The following SMARCAD1 variants were observed in gnomAD, a reference collection of about 807,000 sequenced individuals.
SMARCAD1 encodes SWI/SNF-related matrix-associated actin-dependent regulator of chromatin subfamily A containing DEAD/H box 1.
A neutral mutation model predicts 127.1 loss-of-function variants in SMARCAD1; 25 were observed. That is an observed-to-expected ratio of 0.20 (90% CI 0.14 to 0.27). The LOEUF is 0.27. SMARCAD1 is among the 10% of genes least tolerant of loss of function. The pLI, the probability that SMARCAD1 is intolerant of heterozygous loss-of-function variation, is 1.00. For missense variants in SMARCAD1, 807 were observed against 1,206.0 expected (o/e 0.67, Z 4.90); for synonymous variants, 400 against 396.9 (o/e 1.01, Z -0.09).
intron 11 of SMARCAD1, among the ~76,000 whole-genome samples, chr4:94,273,116 A>G (rs562997893): frequency 6.6e-6 from 1 of 152,306 alleles, no homozygotes; most frequent in South Asian, 2.1e-4. Context: ...TATTTAGGTT[A>G]TTTCCAGTGT....
chr4:94,273,395 A>G (rs1479375557), intron 11 of SMARCAD1, among the ~76,000 whole-genome samples: 1 of 152,196 alleles, frequency 6.6e-6, no homozygotes, highest in African/African-American at 2.4e-5. Flanking sequence ...CTAGCAATGA[A>G]GATCTATCCA....
chr4:94,252,367 A>G (rs2125916814), intron 8 of SMARCAD1, among the ~76,000 whole-genome samples: 1 of 152,272 alleles, frequency 6.6e-6, no homozygotes, highest in Middle Eastern at 3.4e-3. Flanking sequence ...TGTTCTCAGG[A>G]CCTTTGTTAG....
At position 94,274,852 on chromosome 4, in the gene SMARCAD1, CAATA is replaced by C. The variant is rs747392754; in HGVS notation, c.1733-33_1733-30del. ...TGGAAATTAAAAATAAAGTACAGCA[CAATA>C]AATAGTCATGTGTTTATTGTTTTTA... On this transcript the variant is annotated intron_variant, in intron 13 of 23. Coordinates refer to ENST00000354268, the MANE Select transcript of SMARCAD1 (RefSeq NM_020159.5). 2.7e-5 allele frequency: 43 copies of C among 1,601,910 alleles called. No individual in the cohort carries two copies. In the African/African-American group the frequency reaches 4.3e-4, roughly 16 times the overall value.
chr4:94,263,850 T>C (rs115667532), intron 9 of SMARCAD1, among the ~76,000 whole-genome samples: 1,721 of 152,042 alleles, frequency 0.011, 35 homozygotes, highest in African/African-American at 0.039. Flanking sequence ...TTCAAATAGC[T>C]TTTGGACTTT....
At chr4:94,274,614 G>A in intron 12 of SMARCAD1, 124 bp from the exon 13 acceptor site, 1 of 940,736 alleles carries the variant, frequency 1.1e-6, no homozygotes, top group Non-Finnish European at 1.7e-6. Flanking sequence ...ACCTTGCTGG[G>A]CCAGTATTTA....
At chr4:94,276,542 GTATT>G (rs1184685715) in intron 15 of SMARCAD1, 68 bp downstream of exon 15, 23 of 1,541,646 alleles carry the variant, frequency 1.5e-5, no homozygotes, top group Non-Finnish European at 2.0e-5. Flanking sequence ...AATATATGTA[GTATT>G]TATTAGCAGA....
At chr4:94,230,321 A>G (rs945269138) in intron 3 of SMARCAD1, among the ~76,000 whole-genome samples, 8 of 151,902 alleles carry the variant, frequency 5.3e-5, no homozygotes, top group African/African-American at 1.5e-4. Flanking sequence ...ATAGCATACT[A>G]CATGTGTGTA....
chr4:94,286,128 A>G (rs922814503), intron 23 of SMARCAD1, among the ~76,000 whole-genome samples: 1 of 152,166 alleles, frequency 6.6e-6, no homozygotes. Flanking sequence ...ATTTCCTCAG[A>G]GGGAAATTTT....
At chr4:94,215,546 A>T (rs1261256686) in intron 2 of SMARCAD1, among the ~76,000 whole-genome samples, 2 of 138,642 alleles carry the variant, frequency 1.4e-5, no homozygotes, top group Non-Finnish European at 3.0e-5. Context: ...GATTGAGCCC[A>T]GGAGTTTGAG....
intron 6 of SMARCAD1, among the ~76,000 whole-genome samples, chr4:94,247,059 A>T (rs557552914): frequency 6.6e-6 from 1 of 152,182 alleles, no homozygotes; most frequent in African/African-American, 2.4e-5. Context: ...GGCATCTTAC[A>T]TTGGGATGGG....
At chr4:94,265,563 T>G (rs1372531425) in intron 10 of SMARCAD1, among the ~76,000 whole-genome samples, 1 of 151,810 alleles carries the variant, frequency 6.6e-6, no homozygotes, top group Non-Finnish European at 1.5e-5. Flanking sequence ...TTTGTAATTG[T>G]GATCGCCCAC....
Position 94,264,792 on chromosome 4 carries a change from T to C in SMARCAD1, c.1367T>C (p.Ile456Thr). 6.2e-7 allele frequency: 1 copy of C among 1,612,942 alleles called. No individual in the cohort carries two copies. Among genetic ancestry groups the C allele is most frequent in the Non-Finnish European group, 8.5e-7 (1 of 1,179,262 alleles). The change falls in exon 10 of 24, where the codon ATA (isoleucine) becomes ACA (threonine). Residue 456 changes from isoleucine to threonine, a missense_variant. Ile to Thr is a moderately conservative substitution (Grantham distance 89). Around this residue, in one of 8 missense-constraint regions of SMARCAD1, gnomAD observed 257 missense variants for 303.4 expected, o/e 0.85. Transcript: ENST00000354268. The stretch of plus-strand genomic sequence containing the variant: ...CTGATCCAAGAAAGAGATGTAGTTA[T>C]AAGGCTTATGAACAAATGTGAAGAC... ...KTLIQERDVV[I>T]RLMNKCEDIS...
intron 9 of SMARCAD1, among the ~76,000 whole-genome samples, chr4:94,263,412 T>C (rs1751304768): frequency 6.6e-6 from 1 of 151,722 alleles, no homozygotes; most frequent in Admixed American, 6.6e-5. Context: ...GTAGGGGGAG[T>C]AGGAGATCAT....
intron 9 of SMARCAD1, among the ~76,000 whole-genome samples, chr4:94,259,223 TAGA>T (rs1194273091): frequency 4.6e-5 from 7 of 152,210 alleles, no homozygotes; most frequent in Admixed American, 2.0e-4. Flanking sequence ...GCAACAGAGT[TAGA>T]AGAATCCTTA....
In SMARCAD1 at chr4:94,281,452, T is replaced by C. The variant is rs990183685; in HGVS notation, c.2608-20T>C. ...TAAAACGATTTTTTCTATTTCTAAT[T>C]CATGTATGTATTTTCACAGGGTGAT... On this transcript the variant is annotated intron_variant, in intron 20 of 23. Transcript: ENST00000354268. 5 of 1,501,530 alleles carry C rather than the reference T, an allele frequency of 3.3e-6. No individual in the cohort carries two copies. In the African/African-American group the frequency reaches 5.5e-5, roughly 17 times the overall value. 93.0% of individuals were successfully genotyped at this position (1,501,530 alleles called of 1,614,324 possible). A position where few individuals can be genotyped will look rare whatever the true frequency, so the allele number is the denominator to read the frequency against.
intron 10 of SMARCAD1, among the ~76,000 whole-genome samples, chr4:94,266,270 T>G (rs1021215246): frequency 9.2e-5 from 14 of 152,112 alleles, no homozygotes; most frequent in Non-Finnish European, 5.9e-5. Context: ...TTTGGATTTT[T>G]AAAAATCAAG....
intron 2 of SMARCAD1, among the ~76,000 whole-genome samples, chr4:94,214,321 G>C (rs1464190306): frequency 6.7e-6 from 1 of 148,262 alleles, no homozygotes; most frequent in South Asian, 2.1e-4. Flanking sequence ...GGAGTGCAGT[G>C]GCGCAATCTC....
intron 1 of SMARCAD1, 116 bp downstream of exon 1, chr4:94,208,186 C>T (rs1405963710): frequency 2.8e-6 from 2 of 702,376 alleles, no homozygotes; most frequent in Non-Finnish European, 5.2e-6. Context: ...CCCCCGTCCA[C>T]CTTCTAATTG....
At chr4:94,283,739 G>A (rs1057031398) in intron 22 of SMARCAD1, among the ~76,000 whole-genome samples, 2 of 151,794 alleles carry the variant, frequency 1.3e-5, no homozygotes, top group African/African-American at 2.4e-5. Context: ...GCAGGAGAAC[G>A]GCGTGAACCT....
Sources: gnomAD v4.1 joint callset for allele counts (sites outside exome capture counted in the v4.1 genomes callset) on GRCh38, gnomAD v4.1.1 for gene constraint, gnomAD v4.1.1 regional missense constraint, MANE v1.5 for transcripts, NCBI Gene and HGNC (gene_info 2026-07-23, HGNC 2026-07-21) for gene names.